TAFA5: variants seen among roughly 807,000 people sequenced by gnomAD.
TAFA5 encodes the protein TAFA chemokine like family member 5.
Under a neutral mutation model 15.3 loss-of-function variants are expected in TAFA5, and 6 were observed. The observed-to-expected ratio is 0.39, with a 90% CI of 0.21 to 0.77. TAFA5 has a LOEUF of 0.77. Ranked by LOEUF, TAFA5 falls within the 30% of genes least tolerant of loss-of-function variation. The pLI is 0.41. For missense variants in TAFA5, 161 were observed against 193.1 expected, an observed-to-expected ratio of 0.83 and a Z score of 0.98; for synonymous variants, 103 against 80.7, an observed-to-expected ratio of 1.28 and a Z score of -1.48.
intron 1 of TAFA5, among the ~76,000 whole-genome samples, chr22:48,506,879 G>A (rs562750510): frequency 2.7e-4 from 41 of 152,358 alleles, no homozygotes; most frequent in Admixed American, 7.2e-4. Context: ...GGCTGGGAGG[G>A]CTGGACACGT....
rs1046909892 is a variant in TAFA5, at chr22:48,552,923, A to AC, written c.112+63223dup. Among the ~76,000 whole-genome samples, 2 of 151,906 alleles carry AC rather than the reference A, an allele frequency of 1.3e-5. No homozygotes were observed. Among genetic ancestry groups the AC allele is most frequent in the Non-Finnish European group, 2.9e-5 (2 of 67,924 alleles). ...GCCCTGTCTGCATTCCCTGCAGAAT[A>AC]CCCCAGAGACTCAGACCTGGGGCTG... On this transcript the variant is annotated intron_variant, in intron 1 of 3. Transcript: ENST00000402357. The surrounding 1 kb of genome is among the most constrained non-coding windows in gnomAD (Gnocchi z 4.1).
At chr22:48,604,720 A>C (rs35769581) in intron 1 of TAFA5, among the ~76,000 whole-genome samples, 19,426 of 151,990 alleles carry the variant, frequency 0.13, 1,345 homozygotes, top group African/African-American at 0.17. Context: ...TTTTTTTTCC[A>C]TCCTTCCACT....
chr22:48,621,891 G>T (rs1925850516), intron 1 of TAFA5, among the ~76,000 whole-genome samples: 1 of 152,170 alleles, frequency 6.6e-6, no homozygotes, highest in Non-Finnish European at 1.5e-5. Context: ...AGGCCTCTGA[G>T]CCTGGCACGG....
chr22:48,692,386 C>T (rs1928570440), intron 2 of TAFA5, among the ~76,000 whole-genome samples: 1 of 152,176 alleles, frequency 6.6e-6, no homozygotes, highest in Admixed American at 6.5e-5. Context: ...ATTTTGGGAC[C>T]ATTAGAGGCA....
chr22:48,600,306 TCTG>T (rs1249931169), intron 1 of TAFA5, among the ~76,000 whole-genome samples: 2 of 151,980 alleles, frequency 1.3e-5, no homozygotes, highest in Non-Finnish European at 2.9e-5. Flanking sequence ...AGTAAGGAGG[TCTG>T]CGTGAGGGAT....
chr22:48,645,697 G>A (rs1926835927), intron 1 of TAFA5, among the ~76,000 whole-genome samples: 3 of 152,114 alleles, frequency 2.0e-5, no homozygotes, highest in South Asian at 4.2e-4. Flanking sequence ...GCCTGTCCAC[G>A]ACACCCATGG....
chr22:48,609,038 G>A (rs1251341970), intron 1 of TAFA5, among the ~76,000 whole-genome samples: 1 of 152,208 alleles, frequency 6.6e-6, no homozygotes, highest in African/African-American at 2.4e-5. Context: ...GTGGGTTGGG[G>A]GAGCGTCAGG....
intron 1 of TAFA5, among the ~76,000 whole-genome samples, chr22:48,549,800 C>T (rs1002435474): frequency 6.6e-6 from 1 of 152,236 alleles, no homozygotes; most frequent in Non-Finnish European, 1.5e-5. Context: ...ACATTGAGGA[C>T]AAGCACGGGC....
Position 48,490,030 on chromosome 22 carries a change from C to A in TAFA5, c.112+326C>A, listed in dbSNP as rs1006408574. 6.6e-6 allele frequency among the ~76,000 whole-genome samples: 1 copy of A among 151,950 alleles called. No homozygotes were observed. The highest frequency in any genetic ancestry group is 2.4e-5 in the African/African-American group (1 of 41,408). On this transcript the variant is annotated intron_variant, in intron 1 of 3. Coordinates refer to ENST00000402357, the MANE Select transcript of TAFA5 (RefSeq NM_001082967.3). The surrounding 1 kb of genome is among the most constrained non-coding windows in gnomAD (Gnocchi z 5.8). ...CGGAGCCCAGCCAGCGGCTTCCCGG[C>A]CGAGATGCGCGCTCAGGAGGCAGCC... is the stretch of plus-strand genomic sequence containing the variant.
rs543368549 is a variant in TAFA5, at chr22:48,582,240, C to T, written c.113-64357C>T. ...CACCCACACCACACAAAAAACACAA[C>T]GCATACCATACACCCCACATACTGC... On this transcript the variant is annotated intron_variant, in intron 1 of 3. Transcript: ENST00000402357. 3.0e-4 allele frequency among the ~76,000 whole-genome samples: 45 copies of T among 152,012 alleles called. No homozygotes were observed. In the South Asian group the frequency reaches 3.3e-3, roughly 11 times the overall value.
chr22:48,699,277 A>T (rs572431485), intron 2 of TAFA5, among the ~76,000 whole-genome samples: 126 of 152,274 alleles, frequency 8.3e-4, no homozygotes, highest in Non-Finnish European at 1.2e-3. Flanking sequence ...GTTGACCTTC[A>T]TTGTTCTGAT....
intron 1 of TAFA5, among the ~76,000 whole-genome samples, chr22:48,580,358 G>GT (rs1269677413): frequency 6.6e-6 from 1 of 152,226 alleles, no homozygotes; most frequent in Non-Finnish European, 1.5e-5. Context: ...AATGCAGAGT[G>GT]TTCGTCTATC....
At position 48,542,357 on chromosome 22, in the gene TAFA5, ATGTG is replaced by A. The variant is rs1194082534; in HGVS notation, c.112+52660_112+52663del. On this transcript the variant is annotated intron_variant, in intron 1 of 3. Coordinates refer to ENST00000402357, the MANE Select transcript of TAFA5 (RefSeq NM_001082967.3). Reference sequence around the variant, plus strand: ...TGGTGTGTGTGTGGTGTGTGTGCATATGTGTGTGTGCGGGTGTGTGGTGTGTGTG... The same window carrying A: ...TGGTGTGTGTGTGGTGTGTGTGCATATGTGTGCGGGTGTGTGGTGTGTGTG... Among the ~76,000 whole-genome samples the A allele has an allele frequency of 1.1e-4, 6 of 52,742 alleles. No individual in the cohort carries two copies. In the South Asian group the frequency reaches 3.6e-3, roughly 32 times the overall value. 34.6% of individuals were successfully genotyped at this position (52,742 alleles called of 152,430 possible).
intron 1 of TAFA5, among the ~76,000 whole-genome samples, chr22:48,508,543 A>G (rs544061193): frequency 2.0e-5 from 3 of 152,268 alleles, no homozygotes; most frequent in African/African-American, 4.8e-5. Context: ...AGAGCCACGT[A>G]TGGGGCCCTG....
intron 1 of TAFA5, among the ~76,000 whole-genome samples, chr22:48,611,231 A>T (rs1236670933): frequency 3.3e-5 from 5 of 152,204 alleles, no homozygotes; most frequent in Non-Finnish European, 5.9e-5. Flanking sequence ...CACCGCACTC[A>T]GCCTATTTTT....
intron 2 of TAFA5, among the ~76,000 whole-genome samples, chr22:48,654,227 AGAG>A (rs916498726): frequency 5.9e-5 from 9 of 151,928 alleles, no homozygotes; most frequent in Admixed American, 2.6e-4. Context: ...AGGAGAGCCA[AGAG>A]GAGGAGGAGG....
chr22:48,656,428 C>G (rs896413935), intron 2 of TAFA5, among the ~76,000 whole-genome samples: 2 of 151,730 alleles, frequency 1.3e-5, no homozygotes, highest in Non-Finnish European at 2.9e-5. Context: ...ATTGCTTGAA[C>G]CCGGGAGGCG....
intron 1 of TAFA5, among the ~76,000 whole-genome samples, chr22:48,576,040 C>CCG (rs1491319856): frequency 7.2e-4 from 15 of 20,902 alleles, no homozygotes; most frequent in African/African-American, 1.7e-3. Context: ...CCGCGCCGGA[C>CCG]CCCCCCCCCC....
intron 2 of TAFA5, among the ~76,000 whole-genome samples, chr22:48,676,067 A>G (rs1318508606): frequency 7.0e-6 from 1 of 143,378 alleles, no homozygotes; most frequent in Admixed American, 6.7e-5. Flanking sequence ...CTTGGAATAA[A>G]ACACAGAGCA....
Sources: allele counts gnomAD v4.1 joint callset (sites outside exome capture counted in the v4.1 genomes callset), GRCh38; gene constraint gnomAD v4.1.1; non-coding constraint Gnocchi (gnomAD v3.1); transcripts MANE v1.5; gene names NCBI Gene and HGNC (gene_info 2026-07-23, HGNC 2026-07-21).